Variants in TAS2R1 observed in about 807,000 individuals in gnomAD.
The protein encoded by TAS2R1 is taste 2 receptor member 1, also known as taste receptor type 2 member 1.
For synonymous variants in TAS2R1, 141 were observed against 134.2 expected (o/e 1.05, Z -0.35); for missense variants, 370 against 353.4 (o/e 1.05, Z -0.38).
At chr5:9,882,943 C>T in the TAS2R1 span, among the ~76,000 whole-genome samples, 2 of 152,270 alleles carry the variant, frequency 1.3e-5, no homozygotes, top group Non-Finnish European at 2.9e-5. Flanking sequence ...CATTGCAGCA[C>T]TATTCACAAT....
chr5:9,642,163 TC>T (rs1740097749), intron 2 of TAS2R1, among the ~76,000 whole-genome samples: 3 of 152,212 alleles, frequency 2.0e-5, no homozygotes, highest in South Asian at 2.1e-4. Flanking sequence ...GGAAAGCTTT[TC>T]ATCAGGTAGA....
chr5:9,784,672 C>T, the TAS2R1 span, among the ~76,000 whole-genome samples: 2 of 152,188 alleles, frequency 1.3e-5, no homozygotes, highest in African/African-American at 4.8e-5. Context: ...ATCAGGGTGT[C>T]CGCAGGGCCC....
chr5:9,806,995 A>C, the TAS2R1 span, among the ~76,000 whole-genome samples: 1 of 152,204 alleles, frequency 6.6e-6, no homozygotes, highest in African/African-American at 2.4e-5. Context: ...TTCATAATCT[A>C]TACATCTGAC....
the TAS2R1 span, among the ~76,000 whole-genome samples, chr5:9,895,633 G>A: frequency 1.3e-5 from 2 of 152,170 alleles, no homozygotes; most frequent in Admixed American, 1.3e-4. Flanking sequence ...AACCATCAGA[G>A]ATCTGTTCTG....
intron 1 of TAS2R1, among the ~76,000 whole-genome samples, chr5:9,682,226 G>A (rs1173268854): frequency 6.6e-6 from 1 of 152,220 alleles, no homozygotes; most frequent in African/African-American, 2.4e-5. Context: ...GGGTCAGAAA[G>A]ATGATGTACA....
chr5:9,664,922 T>C (rs1359608942), intron 1 of TAS2R1, among the ~76,000 whole-genome samples: 3 of 152,234 alleles, frequency 2.0e-5, no homozygotes, highest in Non-Finnish European at 4.4e-5. Context: ...CTTGGCAGTG[T>C]TCAGGAACTT....
the TAS2R1 span, among the ~76,000 whole-genome samples, chr5:9,873,984 AAG>A: frequency 4.1e-5 from 6 of 147,208 alleles, no homozygotes; most frequent in South Asian, 4.5e-4. Context: ...GAGGAAGAAA[AAG>A]AGAGAGAGGA....
At chr5:9,647,811 C>T (rs945756052) in intron 2 of TAS2R1, among the ~76,000 whole-genome samples, 5 of 152,074 alleles carry the variant, frequency 3.3e-5, no homozygotes, top group Non-Finnish European at 7.4e-5. Flanking sequence ...TCGTTAAGTA[C>T]ATAATATGAA....
At chr5:9,665,792 T>C (rs1039645654) in intron 1 of TAS2R1, among the ~76,000 whole-genome samples, 4 of 152,222 alleles carry the variant, frequency 2.6e-5, no homozygotes, top group Non-Finnish European at 4.4e-5. Flanking sequence ...GTAGAAGAGA[T>C]GTTAAATAAA....
chr5:9,849,199 C>T, the TAS2R1 span, among the ~76,000 whole-genome samples: 5 of 152,192 alleles, frequency 3.3e-5, no homozygotes, highest in Non-Finnish European at 5.9e-5. Flanking sequence ...CAGAATTAAA[C>T]CTGACCCCAG....
chr5:9,809,814 C>A, the TAS2R1 span, among the ~76,000 whole-genome samples: 1 of 152,138 alleles, frequency 6.6e-6, no homozygotes, highest in South Asian at 2.1e-4. Flanking sequence ...AATGGGATCT[C>A]TTTGTATTCC....
chr5:9,670,047 A>T (rs1002620293), intron 1 of TAS2R1, among the ~76,000 whole-genome samples: 1 of 152,140 alleles, frequency 6.6e-6, no homozygotes, highest in African/African-American at 2.4e-5. Context: ...AAATAAACAC[A>T]ATGAGAAATA....
At chr5:9,682,245 A>G (rs950505604) in intron 1 of TAS2R1, among the ~76,000 whole-genome samples, 6 of 152,242 alleles carry the variant, frequency 3.9e-5, no homozygotes, top group African/African-American at 1.2e-4. Flanking sequence ...CAAAACATCA[A>G]ATTTATTGCC....
the TAS2R1 span, among the ~76,000 whole-genome samples, chr5:9,823,357 G>A: frequency 1.3e-5 from 2 of 151,920 alleles, no homozygotes; most frequent in Non-Finnish European, 2.9e-5. Context: ...CTACAGATAT[G>A]CTGAATATCT....
chr5:9,760,213 C>T, the TAS2R1 span, among the ~76,000 whole-genome samples: 1 of 152,166 alleles, frequency 6.6e-6, no homozygotes, highest in Admixed American at 6.5e-5. Flanking sequence ...AATAACCTTA[C>T]AAAACAGAAA....
chr5:9,894,825 G>A, the TAS2R1 span, among the ~76,000 whole-genome samples: 14 of 152,262 alleles, frequency 9.2e-5, no homozygotes, highest in African/African-American at 3.4e-4. Context: ...GTGTGGTTCA[G>A]TTGGTAAATT....
At chr5:9,804,584 G>C in the TAS2R1 span, among the ~76,000 whole-genome samples, 2 of 151,914 alleles carry the variant, frequency 1.3e-5, no homozygotes, top group Non-Finnish European at 2.9e-5. Context: ...AACAAACTCC[G>C]AAAGAAACCC....
chr5:9,850,706 AC>A, the TAS2R1 span, among the ~76,000 whole-genome samples: 2 of 152,090 alleles, frequency 1.3e-5, no homozygotes, highest in African/African-American at 4.8e-5. Context: ...GCCTCCTACC[AC>A]CCAAACAGAT....
chr5:9,675,392 G>A (rs1740852855), intron 1 of TAS2R1, among the ~76,000 whole-genome samples: 1 of 150,096 alleles, frequency 6.7e-6, no homozygotes. Context: ...CAACTTTACT[G>A]AATCCATTAA....
Sources: allele counts gnomAD v4.1 joint callset (sites outside exome capture counted in the v4.1 genomes callset), GRCh38; gene constraint gnomAD v4.1.1; transcripts MANE v1.5; gene names NCBI Gene and HGNC (gene_info 2026-07-23, HGNC 2026-07-21).